FARS2: variants seen among roughly 807,000 people sequenced by gnomAD.
The protein encoded by FARS2 is phenylalanine--tRNA ligase, mitochondrial.
In FARS2, 40 loss-of-function variants were observed where a neutral mutation model predicts 46.4. That is an observed-to-expected ratio of 0.86 (90% CI 0.67 to 1.12). The LOEUF (loss-of-function observed/expected upper bound fraction) is 1.12, where lower values mean the gene tolerates loss of function less well. Among genes scored for constraint, FARS2 ranks in the 50% most tolerant of loss-of-function variants. FARS2 has a pLI of 0.00. For missense variants in FARS2, 513 were observed against 567.9 expected, an observed-to-expected ratio of 0.90 and a Z score of 0.98; for synonymous variants, 234 against 214.9, an observed-to-expected ratio of 1.09 and a Z score of -0.78.
intron 4 of FARS2, among the ~76,000 whole-genome samples, chr6:5,486,969 G>A (rs546730212): frequency 3.9e-5 from 6 of 152,262 alleles, no homozygotes; most frequent in African/African-American, 7.2e-5. Flanking sequence ...TTTTTGTGCC[G>A]TGAACATCAC....
intron 4 of FARS2, among the ~76,000 whole-genome samples, chr6:5,456,257 GC>G (rs1203970297): frequency 6.6e-6 from 1 of 151,996 alleles, no homozygotes; most frequent in African/African-American, 2.4e-5. Flanking sequence ...TTTATTGTAT[GC>G]CTACTATGTG....
At chr6:5,260,282 GA>G, upstream of FARS2, among the ~76,000 whole-genome samples, 1 of 152,320 alleles carries the variant, frequency 6.6e-6, no homozygotes, top group East Asian at 1.9e-4. Context: ...GTGCTCAAGG[GA>G]AGTTTTACAT....
At chr6:5,682,701 T>C (rs1245762894) in intron 6 of FARS2, among the ~76,000 whole-genome samples, 1 of 152,208 alleles carries the variant, frequency 6.6e-6, no homozygotes, top group African/African-American at 2.4e-5. Flanking sequence ...AGCTGATACA[T>C]AGGGACCAGG....
intron 2 of FARS2, among the ~76,000 whole-genome samples, chr6:5,381,717 G>A (rs996659923): frequency 2.0e-5 from 3 of 152,180 alleles, no homozygotes; most frequent in African/African-American, 7.2e-5. Flanking sequence ...GGAAGTTAGG[G>A]TTAAGTTAGC....
intron 6 of FARS2, among the ~76,000 whole-genome samples, chr6:5,672,635 C>A (rs912448775): frequency 6.6e-6 from 1 of 152,172 alleles, no homozygotes; most frequent in Non-Finnish European, 1.5e-5. Context: ...AATAATAAAG[C>A]ATTTCTACAC....
At chr6:5,481,103 C>T (rs1420095590) in intron 4 of FARS2, among the ~76,000 whole-genome samples, 1 of 152,204 alleles carries the variant, frequency 6.6e-6, no homozygotes, top group African/African-American at 2.4e-5. Context: ...CGTCTTACAC[C>T]TCCCTTTCAA....
chr6:5,526,800 A>G (rs1437494387), intron 4 of FARS2, among the ~76,000 whole-genome samples: 1 of 152,050 alleles, frequency 6.6e-6, no homozygotes, highest in Non-Finnish European at 1.5e-5. Context: ...TGTATTTAGT[A>G]GAGACAGGAT....
At chr6:5,349,743 C>T (rs538159962) in intron 1 of FARS2, among the ~76,000 whole-genome samples, 6 of 152,086 alleles carry the variant, frequency 3.9e-5, no homozygotes, top group African/African-American at 9.7e-5. Context: ...TAATCTTTTC[C>T]GGGCTGTGAC....
chr6:5,570,468 A>T (rs897674966), intron 5 of FARS2, among the ~76,000 whole-genome samples: 1 of 152,128 alleles, frequency 6.6e-6, no homozygotes, highest in Non-Finnish European at 1.5e-5. Context: ...TATTACCATA[A>T]TTTTTGCATA....
At chr6:5,283,710 G>A (rs561188987) in intron 1 of FARS2, among the ~76,000 whole-genome samples, 1 of 152,178 alleles carries the variant, frequency 6.6e-6, no homozygotes, top group South Asian at 2.1e-4. Context: ...AAAGGTGTCA[G>A]GTACCATTCA....
intron 5 of FARS2, among the ~76,000 whole-genome samples, chr6:5,610,612 G>A (rs1470697828): frequency 6.6e-6 from 1 of 152,104 alleles, no homozygotes; most frequent in Non-Finnish European, 1.5e-5. Flanking sequence ...GTAGCTGTGG[G>A]GGCCCTGGAA....
chr6:5,341,257 T>TTC (rs552538194), intron 1 of FARS2, among the ~76,000 whole-genome samples: 685 of 56,474 alleles, frequency 0.012, 94 homozygotes, highest in African/African-American at 0.021. Context: ...TTTTTTTTTT[T>TTC]CCCTGTGAGA....
chr6:5,526,738 T>G (rs765097954), intron 4 of FARS2, among the ~76,000 whole-genome samples: 28 of 152,152 alleles, frequency 1.8e-4, no homozygotes, highest in Non-Finnish European at 1.0e-4. Flanking sequence ...CACCTCAGTC[T>G]CCCGAGTAAC....
At chr6:5,692,316 G>A (rs747557305) in intron 6 of FARS2, among the ~76,000 whole-genome samples, 29 of 152,116 alleles carry the variant, frequency 1.9e-4, no homozygotes, top group Non-Finnish European at 3.4e-4. Context: ...GTTCCTATTC[G>A]GCCATCTTGG....
chr6:5,365,730 C>T (rs1030887996), intron 1 of FARS2, among the ~76,000 whole-genome samples: 1 of 151,850 alleles, frequency 6.6e-6, no homozygotes, highest in Non-Finnish European at 1.5e-5. Flanking sequence ...TTTGACTTCC[C>T]CTAACTTAAC....
chr6:5,306,401 G>C (rs1401257184), intron 1 of FARS2, among the ~76,000 whole-genome samples: 1 of 152,198 alleles, frequency 6.6e-6, no homozygotes, highest in Non-Finnish European at 1.5e-5. Context: ...CCTGGGAATT[G>C]AATGATTTGT....
At chr6:5,675,531 C>A (rs1778721233) in intron 6 of FARS2, among the ~76,000 whole-genome samples, 1 of 152,102 alleles carries the variant, frequency 6.6e-6, no homozygotes, top group Admixed American at 6.5e-5. Context: ...CACATGTACC[C>A]AATACAGTGT....
chr6:5,695,618 T>G (rs1017977563), intron 6 of FARS2, among the ~76,000 whole-genome samples: 7 of 152,240 alleles, frequency 4.6e-5, no homozygotes, highest in Non-Finnish European at 8.8e-5. Context: ...ATGAGTAACT[T>G]GTAGAAGGTC....
chr6:5,424,998 CCTT>C (rs1007029607), intron 3 of FARS2, among the ~76,000 whole-genome samples: 14 of 152,276 alleles, frequency 9.2e-5, no homozygotes, highest in African/African-American at 3.1e-4. Context: ...AGAGTCCCCT[CCTT>C]CCTTTTTCTT....
Sources: allele counts gnomAD v4.1 joint callset (sites outside exome capture counted in the v4.1 genomes callset), GRCh38; gene constraint gnomAD v4.1.1; transcripts MANE v1.5; gene names NCBI Gene and HGNC (gene_info 2026-07-23, HGNC 2026-07-21).